LPP: variants seen among roughly 807,000 people sequenced by gnomAD.
LPP encodes the protein lipoma-preferred partner.
Under a neutral mutation model 60.4 loss-of-function variants are expected in LPP, and 38 were observed. That is an observed-to-expected ratio of 0.63 (90% CI 0.49 to 0.83). The LOEUF is 0.83. LPP is among the 40% of genes least tolerant of loss of function. The pLI, the probability that LPP is intolerant of heterozygous loss-of-function variation, is 0.00. For synonymous variants in LPP, 328 were observed against 290.8 expected, an observed-to-expected ratio of 1.13 and a Z score of -1.30; for missense variants, 902 against 783.6, an observed-to-expected ratio of 1.15 and a Z score of -1.80.
intron 1 of LPP, among the ~76,000 whole-genome samples, chr3:188,171,142 T>C (rs1040631691): frequency 3.3e-5 from 5 of 152,228 alleles, no homozygotes; most frequent in South Asian, 2.1e-4. Flanking sequence ...ATGTGTACTC[T>C]CAGGGCCTTT....
chr3:188,340,769 A>G (rs912682153), intron 2 of LPP, among the ~76,000 whole-genome samples: 1 of 152,214 alleles, frequency 6.6e-6, no homozygotes, highest in Admixed American at 6.5e-5. Flanking sequence ...AGATGAGGTC[A>G]TGTGAGAGTG....
At chr3:188,749,935 G>A (rs1727536602) in intron 8 of LPP, among the ~76,000 whole-genome samples, 1 of 152,134 alleles carries the variant, frequency 6.6e-6, no homozygotes, top group African/African-American at 2.4e-5. Context: ...CATCCATTTT[G>A]TGCTGCTATA....
Position 188,687,771 on chromosome 3 carries a change from TAC to T in LPP, c.1114-20495_1114-20494del, listed in dbSNP as rs1312594602. On this transcript the variant is annotated intron_variant, in intron 7 of 11. Coordinates refer to ENST00000617246, the MANE Select transcript of LPP (RefSeq NM_001375462.1). ...TCATCCTGTCTAACCAGCTGTCTTA[TAC>T]TCTTTTTTTTTTTTTTTTTGAGATG... Among the ~76,000 whole-genome samples, 12 of 141,260 alleles carry T rather than the reference TAC, an allele frequency of 8.5e-5. 1 individual carries two copies. Among genetic ancestry groups the T allele is most frequent in the African/African-American group, 2.7e-4 (10 of 37,284 alleles). The allele number at this position is 141,260 out of a possible 152,430, so 92.7% of individuals were successfully genotyped here. A position where few individuals can be genotyped will look rare whatever the true frequency, so the allele number is the denominator to read the frequency against.
chr3:188,273,029 T>C (rs1738342920), intron 2 of LPP, among the ~76,000 whole-genome samples: 1 of 152,200 alleles, frequency 6.6e-6, no homozygotes, highest in Non-Finnish European at 1.5e-5. Flanking sequence ...TGTCACATGG[T>C]GAAGAGATGG....
At chr3:188,738,043 T>A (rs1723120855) in intron 8 of LPP, among the ~76,000 whole-genome samples, 1 of 152,126 alleles carries the variant, frequency 6.6e-6, no homozygotes, top group Non-Finnish European at 1.5e-5. Flanking sequence ...CTTTCTCTCT[T>A]CCCCTCTACA....
chr3:188,361,669 C>T (rs529105714), intron 3 of LPP, among the ~76,000 whole-genome samples: 1 of 151,882 alleles, frequency 6.6e-6, no homozygotes, highest in East Asian at 1.9e-4. Flanking sequence ...CGGGTCCAAG[C>T]GATTCTCATG....
At chr3:188,242,373 AAGAGAGAGACAGAG>A (rs1478854627) in intron 2 of LPP, among the ~76,000 whole-genome samples, 1 of 151,888 alleles carries the variant, frequency 6.6e-6, no homozygotes, top group Non-Finnish European at 1.5e-5. Flanking sequence ...TATAAAAAGA[AAGAGAGAGACAGAG>A]AGAGAGAGAG....
chr3:188,355,128 C>A (rs6776995), intron 3 of LPP, among the ~76,000 whole-genome samples: 5,975 of 152,224 alleles, frequency 0.039, 149 homozygotes, highest in Non-Finnish European at 0.06. Context: ...CCTGCCTCAG[C>A]CTCCCGAGTA....
At chr3:188,200,612 G>A (rs1180877974) in intron 1 of LPP, among the ~76,000 whole-genome samples, 1 of 152,130 alleles carries the variant, frequency 6.6e-6, no homozygotes, top group African/African-American at 2.4e-5. Context: ...CCCTGGTATT[G>A]CTTGCCAGTA....
rs139071311 is a variant in LPP at position 188,255,244 on chromosome 3, A to G, written c.-67+29717A>G. Among the ~76,000 whole-genome samples, 46 of 152,290 alleles carry G rather than the reference A, an allele frequency of 3.0e-4. No individual in the cohort carries two copies. In the East Asian group the frequency reaches 6.2e-3, roughly 20 times the overall value. On this transcript the variant is annotated intron_variant, in intron 2 of 11. Transcript: ENST00000617246. Reference sequence around the variant, plus strand: ...TGGATGCTTTCTCCAGACATCTCATACAGTCTTTTCAACACCCACTCAAGA... The same window carrying G: ...TGGATGCTTTCTCCAGACATCTCATGCAGTCTTTTCAACACCCACTCAAGA...
At chr3:188,625,380 A>G (rs1846642764) in intron 7 of LPP, among the ~76,000 whole-genome samples, 2 of 152,218 alleles carry the variant, frequency 1.3e-5, no homozygotes, top group South Asian at 2.1e-4. Flanking sequence ...TAATACATTG[A>G]TATATACTTT....
At chr3:188,739,090 A>G (rs887919160) in intron 8 of LPP, among the ~76,000 whole-genome samples, 1 of 152,146 alleles carries the variant, frequency 6.6e-6, no homozygotes, top group Non-Finnish European at 1.5e-5. Flanking sequence ...ATAGCACAAA[A>G]TGAATTAACA....
chr3:188,548,720 A>G (rs150442372), intron 6 of LPP, among the ~76,000 whole-genome samples: 8 of 152,332 alleles, frequency 5.3e-5, no homozygotes, highest in African/African-American at 1.7e-4. Flanking sequence ...CCTCTTCCAG[A>G]AGAATCAGGA....
At chr3:188,311,027 C>T (rs1753220727) in intron 2 of LPP, among the ~76,000 whole-genome samples, 1 of 152,050 alleles carries the variant, frequency 6.6e-6, no homozygotes, top group Non-Finnish European at 1.5e-5. Context: ...TGAAGAACTT[C>T]CAAAAAGTCG....
At chr3:188,240,491 T>A (rs540530140) in intron 2 of LPP, among the ~76,000 whole-genome samples, 1 of 152,176 alleles carries the variant, frequency 6.6e-6, no homozygotes, top group Non-Finnish European at 1.5e-5. Flanking sequence ...AAGGAAGTCT[T>A]ATACGTACTG....
At chr3:188,837,643 T>C (rs754968066) in intron 9 of LPP, among the ~76,000 whole-genome samples, 1 of 152,100 alleles carries the variant, frequency 6.6e-6, no homozygotes, top group Non-Finnish European at 1.5e-5. Context: ...TCAAGTCTGA[T>C]GGTCAGTGAC....
intron 7 of LPP, among the ~76,000 whole-genome samples, chr3:188,684,291 T>C (rs1860177736): frequency 6.6e-6 from 1 of 152,232 alleles, no homozygotes. Context: ...CTACAAAATT[T>C]CTAAAATTTT....
intron 6 of LPP, among the ~76,000 whole-genome samples, chr3:188,531,241 T>C (rs1374235457): frequency 6.6e-6 from 1 of 152,198 alleles, no homozygotes; most frequent in African/African-American, 2.4e-5. Context: ...AGAAATAATA[T>C]ATAAATATAT....
At chr3:188,261,790 TGTAG>T (rs1242086757) in intron 2 of LPP, among the ~76,000 whole-genome samples, 3 of 151,926 alleles carry the variant, frequency 2.0e-5, no homozygotes, top group African/African-American at 7.3e-5. Flanking sequence ...GGCACATATC[TGTAG>T]TCCTACCCAC....
Sources: allele counts gnomAD v4.1 joint callset (sites outside exome capture counted in the v4.1 genomes callset), GRCh38; gene constraint gnomAD v4.1.1; transcripts MANE v1.5; gene names NCBI Gene and HGNC (gene_info 2026-07-23, HGNC 2026-07-21).